The following TECRL variants were observed in gnomAD, a reference collection of about 807,000 sequenced individuals.
TECRL encodes the protein trans-2,3-enoyl-CoA reductase like, also known as trans-2,3-enoyl-CoA reductase-like.
In TECRL, 63 loss-of-function variants were observed where a neutral mutation model predicts 52.8. The observed-to-expected ratio is 1.19, with a 90% CI of 0.97 to 1.47. The LOEUF (loss-of-function observed/expected upper bound fraction) is 1.47, where lower values mean the gene tolerates loss of function less well. TECRL is among the 40% of genes most tolerant of loss of function. TECRL has a pLI of 0.00. For synonymous variants in TECRL, 164 were observed against 141.9 expected, an observed-to-expected ratio of 1.16 and a Z score of -1.10; for missense variants, 482 against 429.6, an observed-to-expected ratio of 1.12 and a Z score of -1.08.
intron 1 of TECRL, among the ~76,000 whole-genome samples, chr4:64,391,457 T>A (rs1723542781): frequency 1.3e-5 from 2 of 151,816 alleles, no homozygotes; most frequent in African/African-American, 4.8e-5. Context: ...CAGAACTGAG[T>A]CCTATATGTA....
intron 2 of TECRL, among the ~76,000 whole-genome samples, chr4:64,372,483 CTAGAG>C (rs747257000): frequency 6.6e-6 from 1 of 151,700 alleles, no homozygotes; most frequent in Non-Finnish European, 1.5e-5. Context: ...TGTGGCATTA[CTAGAG>C]TAAACTAAGA....
intron 2 of TECRL, among the ~76,000 whole-genome samples, chr4:64,364,566 A>G (rs146021136): frequency 1.3e-5 from 2 of 152,174 alleles, no homozygotes; most frequent in African/African-American, 4.8e-5. Flanking sequence ...AGCAGAAATG[A>G]TATAGATAAC....
intron 1 of TECRL, among the ~76,000 whole-genome samples, chr4:64,384,725 G>T (rs967747489): frequency 6.6e-6 from 1 of 152,052 alleles, no homozygotes; most frequent in Non-Finnish European, 1.5e-5. Flanking sequence ...GGTTGTGGCT[G>T]GTTTATCTCC....
chr4:64,351,058 A>C, intron 2 of TECRL, among the ~76,000 whole-genome samples: 1 of 44,326 alleles, frequency 2.3e-5, no homozygotes, highest in Non-Finnish European at 6.8e-5. Context: ...GATGACTTTC[A>C]CAGTTCTCAC....
chr4:64,355,931 A>G (rs1438892895), intron 2 of TECRL, among the ~76,000 whole-genome samples: 3 of 152,166 alleles, frequency 2.0e-5, no homozygotes, highest in African/African-American at 7.2e-5. Context: ...TAGAAAGGAA[A>G]GACATAAGAA....
chr4:64,374,911 G>A (rs954727896), intron 2 of TECRL, among the ~76,000 whole-genome samples: 10 of 151,852 alleles, frequency 6.6e-5, no homozygotes, highest in African/African-American at 2.2e-4. Context: ...AAAGTTTCCT[G>A]TTATAATAAA....
At chr4:64,294,822 CAA>C (rs1723589304) in intron 8 of TECRL, among the ~76,000 whole-genome samples, 1 of 151,774 alleles carries the variant, frequency 6.6e-6, no homozygotes, top group South Asian at 2.1e-4. Context: ...ATCAATATTT[CAA>C]AAATAAGGAC....
intron 1 of TECRL, among the ~76,000 whole-genome samples, chr4:64,405,701 A>T (rs2109794131): frequency 6.6e-6 from 1 of 152,260 alleles, no homozygotes; most frequent in South Asian, 2.1e-4. Flanking sequence ...TCAATAAAGT[A>T]AATTATTGTA....
At chr4:64,358,887 A>G (rs1331231034) in intron 2 of TECRL, among the ~76,000 whole-genome samples, 2 of 151,866 alleles carry the variant, frequency 1.3e-5, no homozygotes, top group Non-Finnish European at 1.5e-5. Flanking sequence ...AACTTTGAAT[A>G]TGTCCTCTTT....
chr4:64,395,897 A>C (rs150105522), intron 1 of TECRL, among the ~76,000 whole-genome samples: 416 of 152,088 alleles, frequency 2.7e-3, no homozygotes, highest in African/African-American at 9.3e-3. Flanking sequence ...CAATGTTTAG[A>C]TCCTATTTAT....
At chr4:64,297,505 G>A (rs181211972) in intron 8 of TECRL, among the ~76,000 whole-genome samples, 99 of 150,934 alleles carry the variant, frequency 6.6e-4, no homozygotes, top group African/African-American at 2.1e-3. Context: ...ATATAAGATC[G>A]ATCCATTAAT....
chr4:64,380,937 T>C (rs1560544268), intron 1 of TECRL, among the ~76,000 whole-genome samples: 2 of 152,094 alleles, frequency 1.3e-5, no homozygotes, highest in African/African-American at 2.4e-5. Flanking sequence ...AAGAACGTCA[T>C]TGGTGTTTTG....
intron 1 of TECRL, among the ~76,000 whole-genome samples, chr4:64,397,028 C>T (rs932744646): frequency 2.0e-5 from 3 of 152,112 alleles, no homozygotes; most frequent in African/African-American, 7.2e-5. Context: ...GACACATAAA[C>T]TAATGGAACA....
intron 1 of TECRL, among the ~76,000 whole-genome samples, chr4:64,393,722 T>C (rs914186062): frequency 1.3e-4 from 20 of 151,886 alleles, no homozygotes; most frequent in African/African-American, 4.6e-4. Flanking sequence ...ATACATCATA[T>C]ATGATTGTAT....
chr4:64,351,673 C>T (rs1008100375), intron 2 of TECRL, among the ~76,000 whole-genome samples: 1 of 152,058 alleles, frequency 6.6e-6, no homozygotes, highest in Non-Finnish European at 1.5e-5. Flanking sequence ...AAATTCTATG[C>T]ATGTAACAAA....
intron 9 of TECRL, among the ~76,000 whole-genome samples, chr4:64,282,742 A>C (rs1722889973): frequency 6.6e-6 from 1 of 152,068 alleles, no homozygotes; most frequent in Non-Finnish European, 1.5e-5. Flanking sequence ...TTGTCGATTA[A>C]ATAATGGATA....
chr4:64,389,143 C>G (rs1723378486), intron 1 of TECRL, among the ~76,000 whole-genome samples: 1 of 151,874 alleles, frequency 6.6e-6, no homozygotes, highest in African/African-American at 2.4e-5. Context: ...CTAGAACTTC[C>G]AGTAAGATGC....
chr4:64,362,098 G>A (rs1721239836), intron 2 of TECRL, among the ~76,000 whole-genome samples: 3 of 152,094 alleles, frequency 2.0e-5, no homozygotes, highest in Admixed American at 1.3e-4. Flanking sequence ...GCTGAGAAAA[G>A]AATCTCGGAG....
chr4:64,295,649 G>T (rs567180682), intron 8 of TECRL, among the ~76,000 whole-genome samples: 3 of 151,676 alleles, frequency 2.0e-5, no homozygotes, highest in Admixed American at 1.3e-4. Context: ...AAACATTCAT[G>T]ATTTTTTCAC....
Sources: gnomAD v4.1 joint callset for allele counts (sites outside exome capture counted in the v4.1 genomes callset) on GRCh38, gnomAD v4.1.1 for gene constraint, MANE v1.5 for transcripts, NCBI Gene and HGNC (gene_info 2026-07-23, HGNC 2026-07-21) for gene names.